The following CTNNA3 variants were observed in gnomAD, a reference collection of about 807,000 sequenced individuals.
CTNNA3 encodes catenin alpha-3.
Under a neutral mutation model 95.7 loss-of-function variants are expected in CTNNA3, and 76 were observed. That is an observed-to-expected ratio of 0.79 (90% CI 0.66 to 0.96). The LOEUF (loss-of-function observed/expected upper bound fraction) is 0.96. Among genes scored for constraint, CTNNA3 ranks in the 40% least tolerant of loss-of-function variants. The pLI is 0.00. For synonymous variants in CTNNA3, 431 were observed against 374.4 expected, an observed-to-expected ratio of 1.15 and a Z score of -1.74; for missense variants, 1,191 against 1,089.8, an observed-to-expected ratio of 1.09 and a Z score of -1.31.
At chr10:67,384,214 G>T (rs1295223315) in intron 5 of CTNNA3, among the ~76,000 whole-genome samples, 2 of 152,086 alleles carry the variant, frequency 1.3e-5, no homozygotes, top group Non-Finnish European at 2.9e-5. Context: ...AAGTAAGGTC[G>T]CTATACATCA....
intron 13 of CTNNA3, among the ~76,000 whole-genome samples, chr10:66,224,275 T>C (rs1024881953): frequency 2.0e-5 from 3 of 152,144 alleles, no homozygotes; most frequent in Admixed American, 6.6e-5. Flanking sequence ...ACTGGTTCTC[T>C]TTCTCTGGAG....
At chr10:66,554,080 G>A (rs1288131230) in intron 10 of CTNNA3, among the ~76,000 whole-genome samples, 1 of 151,654 alleles carries the variant, frequency 6.6e-6, no homozygotes, top group African/African-American at 2.4e-5. Flanking sequence ...TTTCCTTTGT[G>A]CTTGTCTCCT....
At chr10:66,038,927 T>C (rs1457050728) in intron 15 of CTNNA3, among the ~76,000 whole-genome samples, 3 of 152,120 alleles carry the variant, frequency 2.0e-5, no homozygotes, top group African/African-American at 7.2e-5. Context: ...ATAAAGGGCA[T>C]CCGAATAGAA....
At chr10:66,012,958 T>A (rs2079032520) in intron 15 of CTNNA3, among the ~76,000 whole-genome samples, 1 of 152,198 alleles carries the variant, frequency 6.6e-6, no homozygotes, top group South Asian at 2.1e-4. Context: ...TGGAGTGCAA[T>A]GGGACCATCT....
intron 11 of CTNNA3, among the ~76,000 whole-genome samples, chr10:66,400,148 A>G (rs1277470057): frequency 6.6e-6 from 1 of 152,034 alleles, no homozygotes; most frequent in Non-Finnish European, 1.5e-5. Context: ...AATGAAAACA[A>G]AACAAAGAAT....
At chr10:66,286,528 T>C (rs1267496795) in intron 12 of CTNNA3, among the ~76,000 whole-genome samples, 1 of 151,926 alleles carries the variant, frequency 6.6e-6, no homozygotes, top group Non-Finnish European at 1.5e-5. Flanking sequence ...TAAAGAAAAA[T>C]AGAAAGGTAA....
chr10:67,443,737 T>G (rs1846626858), intron 5 of CTNNA3, among the ~76,000 whole-genome samples: 1 of 152,088 alleles, frequency 6.6e-6, no homozygotes, highest in East Asian at 1.9e-4. Context: ...TTTCTCCCAT[T>G]TTGTAGGTTG....
intron 13 of CTNNA3, among the ~76,000 whole-genome samples, chr10:66,218,441 G>T (rs1029540593): frequency 2.2e-4 from 33 of 152,148 alleles, no homozygotes; most frequent in Non-Finnish European, 4.4e-4. Flanking sequence ...ATGGCCTGAA[G>T]GAAGTCATGT....
intron 2 of CTNNA3, among the ~76,000 whole-genome samples, chr10:67,639,636 CA>C (rs1258351092): frequency 8.8e-5 from 13 of 148,422 alleles, no homozygotes; most frequent in Admixed American, 8.7e-4. Flanking sequence ...AATCCAGCAA[CA>C]CATCAAAAAC....
chr10:66,057,265 A>AT (rs753199864), intron 15 of CTNNA3, among the ~76,000 whole-genome samples: 13 of 152,094 alleles, frequency 8.5e-5, no homozygotes, highest in Non-Finnish European at 1.6e-4. Flanking sequence ...TTTTGTATTA[A>AT]TATAATTTAA....
chr10:67,262,018 A>G (rs1004037187), intron 5 of CTNNA3, among the ~76,000 whole-genome samples: 56 of 152,280 alleles, frequency 3.7e-4, no homozygotes, highest in Admixed American at 3.5e-3. Flanking sequence ...TATAATACTC[A>G]ATACACTTTA....
intron 7 of CTNNA3, among the ~76,000 whole-genome samples, chr10:66,850,051 A>T (rs12356847): frequency 6.6e-6 from 1 of 151,926 alleles, no homozygotes; most frequent in Admixed American, 6.6e-5. Flanking sequence ...TTTACACATG[A>T]TCCGCATTCC....
rs575764800 is a variant in CTNNA3 at position 66,333,234 on chromosome 10, T to A, written c.1732+45918A>T. Among the ~76,000 whole-genome samples the A allele has an allele frequency of 2.6e-5, 4 of 152,216 alleles. No individual in the cohort carries two copies. In the East Asian group the frequency reaches 5.8e-4, roughly 22 times the overall value. On this transcript the variant is annotated intron_variant, in intron 12 of 17. Coordinates refer to ENST00000433211, the MANE Select transcript of CTNNA3 (RefSeq NM_013266.4). Reference sequence around the variant, plus strand: ...TTTTTGTGTCTCTATCTACTTCAGTTCTGCTCTGATCTTAGTTATTTCTTG... The same window carrying A: ...TTTTTGTGTCTCTATCTACTTCAGTACTGCTCTGATCTTAGTTATTTCTTG...
rs1253147314 is a variant in CTNNA3 at position 66,103,171 on chromosome 10, C to CT, written c.1962dup (p.Gly655ArgfsTer4). 2 of 1,613,910 alleles carry CT rather than the reference C, an allele frequency of 1.2e-6. No individual in the cohort carries two copies. The highest frequency in any genetic ancestry group is 3.3e-5 in the Admixed American group (2 of 60,016). On this transcript the variant is annotated frameshift_variant, in exon 14 of 18. Coordinates refer to ENST00000433211, the MANE Select transcript of CTNNA3 (RefSeq NM_013266.4). LOFTEE classifies it high-confidence loss of function. ...AAGTGACATACCCTATCAGTTTTCC[C>CT]TTCGGTCTGAATGCTGGTGTGACTG...
At chr10:67,068,749 G>C (rs1232159031) in intron 7 of CTNNA3, among the ~76,000 whole-genome samples, 2 of 152,144 alleles carry the variant, frequency 1.3e-5, no homozygotes, top group African/African-American at 4.8e-5. Flanking sequence ...TCCTAGAGTG[G>C]TCAGTGATTA....
chr10:67,409,990 A>C (rs1195439260), intron 5 of CTNNA3, among the ~76,000 whole-genome samples: 1 of 152,182 alleles, frequency 6.6e-6, no homozygotes, highest in Non-Finnish European at 1.5e-5. Flanking sequence ...CACTGGACCC[A>C]GCAATCCCAT....
chr10:67,405,177 T>A (rs186417864), intron 5 of CTNNA3, among the ~76,000 whole-genome samples: 1 of 152,274 alleles, frequency 6.6e-6, no homozygotes, highest in East Asian at 1.9e-4. Context: ...CCAGCTAGCA[T>A]CATGATCACA....
intron 7 of CTNNA3, among the ~76,000 whole-genome samples, chr10:67,011,127 A>G (rs968136476): frequency 3.3e-5 from 5 of 152,158 alleles, no homozygotes; most frequent in Admixed American, 3.3e-4. Context: ...CAAGGGGTCA[A>G]GACCATCCTG....
rs191492628 is a variant in CTNNA3, at chr10:66,905,417, G to A, written c.1048-129893C>T. 5.9e-5 allele frequency among the ~76,000 whole-genome samples: 9 copies of A among 152,258 alleles called. No homozygotes were observed. In the East Asian group the frequency reaches 1.7e-3, roughly 29 times the overall value. On this transcript the variant is annotated intron_variant, in intron 7 of 17. Coordinates refer to ENST00000433211, the MANE Select transcript of CTNNA3 (RefSeq NM_013266.4). ...GATAGCATTAGGCGAAATACCGAAT[G>A]TAAATGACGAGTTGATGGGTGCAGC...
Sources: gnomAD v4.1 joint callset for allele counts (sites outside exome capture counted in the v4.1 genomes callset) on GRCh38, gnomAD v4.1.1 for gene constraint, MANE v1.5 for transcripts, NCBI Gene and HGNC (gene_info 2026-07-23, HGNC 2026-07-21) for gene names.